ANTXR2: variants seen among roughly 807,000 people sequenced by gnomAD.
The protein encoded by ANTXR2 is anthrax toxin receptor 2.
A neutral mutation model predicts 73.7 loss-of-function variants in ANTXR2; 44 were observed. That is an observed-to-expected ratio of 0.60 (90% CI 0.47 to 0.77). The LOEUF is 0.77. ANTXR2 is among the 30% of genes least tolerant of loss of function. ANTXR2 has a pLI of 0.00. For missense variants in ANTXR2, 604 were observed against 592.5 expected (o/e 1.02, Z -0.20); for synonymous variants, 217 against 205.9 (o/e 1.05, Z -0.46).
At chr4:79,978,610 A>T (rs1729748317) in intron 14 of ANTXR2, among the ~76,000 whole-genome samples, 1 of 152,212 alleles carries the variant, frequency 6.6e-6, no homozygotes, top group South Asian at 2.1e-4. Flanking sequence ...AGTGATTACT[A>T]TGTGTCAGTC....
At chr4:79,959,515 A>G (rs1488540750) in intron 16 of ANTXR2, among the ~76,000 whole-genome samples, 1 of 152,182 alleles carries the variant, frequency 6.6e-6, no homozygotes, top group East Asian at 1.9e-4. Flanking sequence ...CCTCAAATCA[A>G]TATCTCATGC....
At chr4:79,964,461 G>T (rs1451627413) in intron 16 of ANTXR2, among the ~76,000 whole-genome samples, 1 of 152,184 alleles carries the variant, frequency 6.6e-6, no homozygotes, top group Admixed American at 6.5e-5. Context: ...CTTAATGGAG[G>T]TTGTTTATGT....
chr4:80,004,345 A>C (rs1368807499), intron 12 of ANTXR2, among the ~76,000 whole-genome samples: 7 of 152,164 alleles, frequency 4.6e-5, no homozygotes, highest in Admixed American at 4.6e-4. Flanking sequence ...GAGATAATAT[A>C]GGTTTCTTCT....
intron 12 of ANTXR2, among the ~76,000 whole-genome samples, chr4:79,996,510 C>T (rs569766031): frequency 8.6e-5 from 13 of 151,944 alleles, no homozygotes; most frequent in South Asian, 8.3e-4. Context: ...AATTTGGGGA[C>T]GAGAAACAAA....
At position 79,903,800 on chromosome 4, in the gene ANTXR2, T is replaced by A. The variant is rs1726803850; in HGVS notation, c.*3629A>T. ...AACAGATGTACCAAGAGTTATTCTA[T>A]GTTTCTAGATTATGTATTTCCTTTC... On this transcript the variant is annotated 3_prime_UTR_variant, in exon 17 of 17. Coordinates refer to ENST00000403729, the MANE Select transcript of ANTXR2 (RefSeq NM_058172.6). 1 of 152,198 alleles carries A rather than the reference T, an allele frequency of 6.6e-6. No homozygotes were observed. The highest frequency in any genetic ancestry group is 2.1e-4 in the South Asian group (1 of 4,836). The allele number at this position is 152,198 out of a possible 1,614,324, so 9.4% of individuals were successfully genotyped here. A position where few individuals can be genotyped will look rare whatever the true frequency, so the allele number is the denominator to read the frequency against.
chr4:79,964,715 GCCGCTCTCAACTACC>G, intron 16 of ANTXR2: 1 of 152,272 alleles, frequency 6.6e-6, no homozygotes, highest in Non-Finnish European at 1.5e-5. Context: ...AAACGGTTTT[GCCGCTCTCAACTACC>G]TCCGCTGACA....
At chr4:79,936,498 A>G (rs1463892301) in intron 16 of ANTXR2, among the ~76,000 whole-genome samples, 1 of 149,704 alleles carries the variant, frequency 6.7e-6, no homozygotes, top group African/African-American at 2.6e-5. Flanking sequence ...ACATTCTCAC[A>G]TTTTTCTAAT....
chr4:79,931,603 G>T (rs1399435768), intron 16 of ANTXR2, among the ~76,000 whole-genome samples: 4 of 152,066 alleles, frequency 2.6e-5, no homozygotes, highest in Admixed American at 2.0e-4. Flanking sequence ...ATGTAATCTA[G>T]TAAAAGAATG....
intron 10 of ANTXR2, among the ~76,000 whole-genome samples, chr4:80,025,398 G>A (rs1310486306): frequency 1.3e-5 from 2 of 152,090 alleles, no homozygotes; most frequent in African/African-American, 2.4e-5. Flanking sequence ...TATTTGCAAA[G>A]TATTCATTTG....
At chr4:79,910,526 A>G (rs1727090176) in intron 16 of ANTXR2, among the ~76,000 whole-genome samples, 2 of 111,110 alleles carry the variant, frequency 1.8e-5, no homozygotes, top group South Asian at 6.2e-4. Context: ...AAAAAAAGAA[A>G]AAAAAGAAAA....
At chr4:79,955,127 A>G (rs1436233544) in intron 16 of ANTXR2, among the ~76,000 whole-genome samples, 1 of 152,204 alleles carries the variant, frequency 6.6e-6, no homozygotes, top group African/African-American at 2.4e-5. Context: ...ATAATCTAAT[A>G]TCACACATTG....
intron 16 of ANTXR2, among the ~76,000 whole-genome samples, chr4:79,923,046 T>C (rs936932016): frequency 7.9e-5 from 12 of 152,052 alleles, no homozygotes; most frequent in African/African-American, 2.9e-4. Flanking sequence ...TTCACTATCA[T>C]TTAACAAGTG....
intron 14 of ANTXR2, among the ~76,000 whole-genome samples, chr4:79,982,395 C>T (rs1729929708): frequency 6.6e-6 from 1 of 152,108 alleles, no homozygotes; most frequent in South Asian, 2.1e-4. Flanking sequence ...TCTTTTTACA[C>T]ACACATTTTG....
At chr4:79,985,221 G>A (rs1730085026) in intron 12 of ANTXR2, among the ~76,000 whole-genome samples, 1 of 151,920 alleles carries the variant, frequency 6.6e-6, no homozygotes, top group South Asian at 2.1e-4. Flanking sequence ...GTGGTGGCGG[G>A]AGCCTGTAGT....
intron 3 of ANTXR2, among the ~76,000 whole-genome samples, chr4:80,066,620 T>C (rs887830503): frequency 6.6e-6 from 1 of 152,222 alleles, no homozygotes; most frequent in Non-Finnish European, 1.5e-5. Flanking sequence ...CAGATGATAA[T>C]AATAGTGATA....
At chr4:80,039,523 A>G (rs1415575273) in intron 7 of ANTXR2, among the ~76,000 whole-genome samples, 5 of 152,180 alleles carry the variant, frequency 3.3e-5, no homozygotes, top group Admixed American at 1.3e-4. Flanking sequence ...GCCAACAAAC[A>G]TACAAAAAAA....
At chr4:79,927,615 T>G (rs1033511556) in intron 16 of ANTXR2, among the ~76,000 whole-genome samples, 1 of 152,216 alleles carries the variant, frequency 6.6e-6, no homozygotes, top group African/African-American at 2.4e-5. Context: ...TTTATCGTTA[T>G]AGTATTATTT....
intron 7 of ANTXR2, among the ~76,000 whole-genome samples, chr4:80,040,285 T>C (rs1317465538): frequency 6.6e-6 from 1 of 151,696 alleles, no homozygotes; most frequent in African/African-American, 2.4e-5. Flanking sequence ...AAATAAAAAT[T>C]GAAAGGAAAG....
intron 16 of ANTXR2, among the ~76,000 whole-genome samples, chr4:79,945,471 T>C (rs1728482222): frequency 6.6e-6 from 1 of 152,116 alleles, no homozygotes; most frequent in African/African-American, 2.4e-5. Flanking sequence ...CAGGCAATCT[T>C]TTAAGTGTTT....
Sources: allele counts gnomAD v4.1 joint callset (sites outside exome capture counted in the v4.1 genomes callset), GRCh38; gene constraint gnomAD v4.1.1; transcripts MANE v1.5; gene names NCBI Gene and HGNC (gene_info 2026-07-23, HGNC 2026-07-21).